Variants in REV3L observed in about 807,000 individuals in gnomAD.
The protein encoded by REV3L is DNA polymerase zeta catalytic subunit.
In REV3L, 69 loss-of-function variants were observed where a neutral mutation model predicts 299.4. That is an observed-to-expected ratio of 0.23 (90% CI 0.19 to 0.28). The LOEUF (loss-of-function observed/expected upper bound fraction) is 0.28, where lower values mean the gene tolerates loss of function less well. Ranked by LOEUF, REV3L falls within the 10% of genes least tolerant of loss-of-function variation. The pLI is 1.00. For synonymous variants in REV3L, 1,238 were observed against 1,271.4 expected, an observed-to-expected ratio of 0.97 and a Z score of 0.56; for missense variants, 3,128 against 3,693.8, an observed-to-expected ratio of 0.85 and a Z score of 3.97.
chr6:111,462,761 T>G (rs1014515937), intron 1 of REV3L, among the ~76,000 whole-genome samples: 4 of 152,208 alleles, frequency 2.6e-5, no homozygotes, highest in Non-Finnish European at 4.4e-5. Context: ...AGTAGAGATG[T>G]GCTCATATTT....
In REV3L at chr6:111,299,959, C is replaced by T; in HGVS notation, c.*57G>A. ...GAAAGTTAAAAAGCACCATGCACAA[C>T]AGTTTAGTGGTAAGCACTGAAAAAA... is the stretch of plus-strand genomic sequence containing the variant. On this transcript the variant is annotated 3_prime_UTR_variant, in exon 32 of 32. Coordinates refer to ENST00000368802, the MANE Select transcript of REV3L (RefSeq NM_001372078.1). The T allele has an allele frequency of 6.5e-7, 1 of 1,528,688 alleles. No homozygotes were observed. The highest frequency in any genetic ancestry group is 8.9e-7 in the Non-Finnish European group (1 of 1,128,286). The allele number at this position is 1,528,688 out of a possible 1,614,324, so 94.7% of individuals were successfully genotyped here.
chr6:111,390,197 TA>T lies in REV3L; in HGVS notation c.663-18del. ...ATTAAAGAGCTGCAATTAAAGGATA[TA>T]AAAAACATAATAATTATGTGAGAGC... On this transcript the variant is annotated intron_variant, in intron 5 of 31. Coordinates refer to ENST00000368802, the MANE Select transcript of REV3L (RefSeq NM_001372078.1). 1.4e-6 allele frequency: 2 copies of T among 1,437,912 alleles called. No homozygotes were observed. The highest frequency in any genetic ancestry group is 2.0e-6 in the Non-Finnish European group (2 of 1,021,960). The allele number at this position is 1,437,912 out of a possible 1,614,324, so 89.1% of individuals were successfully genotyped here. A position where few individuals can be genotyped will look rare whatever the true frequency, so the allele number is the denominator to read the frequency against.
rs777359186 is a variant in REV3L at position 111,376,685 on chromosome 6, G to T, written c.1670C>A (p.Pro557His). 2 of 1,608,496 alleles carry T rather than the reference G, an allele frequency of 1.2e-6. No individual in the cohort carries two copies. Among genetic ancestry groups the T allele is most frequent in the Admixed American group, 1.7e-5 (1 of 59,852 alleles). Residue 557 changes from proline (P) to histidine (H), a missense_variant, in exon 13 of 32, where the codon CCC (proline) becomes CAC (histidine). Pro to His is a moderately conservative substitution (Grantham distance 77). Coordinates refer to ENST00000368802, the MANE Select transcript of REV3L (RefSeq NM_001372078.1). ...AGCAGCATCTTTGTGAAAGATGGAG[G>T]GTTTAACTGAAAGCTTGCTTGTTGC... ...VIATSKLSVK[P>H]SIFHKDAATL... is the part of the protein sequence containing the mutation.
At chr6:111,471,055 T>C (rs1035848361) in intron 1 of REV3L, among the ~76,000 whole-genome samples, 1 of 152,048 alleles carries the variant, frequency 6.6e-6, no homozygotes, top group Non-Finnish European at 1.5e-5. Flanking sequence ...ATGTAGAAAA[T>C]ATATGGTGAT....
intron 25 of REV3L, among the ~76,000 whole-genome samples, chr6:111,325,358 G>C (rs1774668157): frequency 1.3e-5 from 2 of 152,220 alleles, no homozygotes; most frequent in South Asian, 2.1e-4. Flanking sequence ...AACTGAGACA[G>C]AGACATTAAC....
At chr6:111,469,233 C>A (rs1029473368) in intron 1 of REV3L, among the ~76,000 whole-genome samples, 12 of 152,124 alleles carry the variant, frequency 7.9e-5, no homozygotes, top group African/African-American at 2.9e-4. Flanking sequence ...CTATCTGCTG[C>A]TCACCTCTTG....
chr6:111,380,159 T>C lies in REV3L; in HGVS notation c.1277A>G (p.Tyr426Cys), dbSNP rs1309156598. The change falls in exon 11 of 32, where the codon TAT (tyrosine) becomes TGT (cysteine). Residue 426 changes from tyrosine to cysteine, a missense_variant. Physicochemically the swap from Tyr to Cys is radical, Grantham distance 194 (BLOSUM62 -2). This residue lies in a region of REV3L where 2,409 missense variants were observed against 2,611.8 expected (regional missense o/e 0.92). Transcript: ENST00000368802. ...TGGCATCCTATTTCTTTCCCCCCGA[T>C]ATCCATCACTTTCCAAACCAGCAAG... ...HLLAGLESDG[Y>C]RGERNRMPSP... The C allele has an allele frequency of 6.2e-7, 1 of 1,614,144 alleles. No individual in the cohort carries two copies. Among genetic ancestry groups the C allele is most frequent in the South Asian group, 1.1e-5 (1 of 91,088 alleles).
chr6:111,452,196 GAC>G (rs1188901488), intron 1 of REV3L, among the ~76,000 whole-genome samples: 1 of 151,986 alleles, frequency 6.6e-6, no homozygotes, highest in Non-Finnish European at 1.5e-5. Flanking sequence ...AATTTTAAAA[GAC>G]TAAATATAAA....
chr6:111,352,860 C>T (rs937898103), intron 18 of REV3L, among the ~76,000 whole-genome samples: 7 of 152,150 alleles, frequency 4.6e-5, no homozygotes. Context: ...TTAGAACCTC[C>T]ATGTTGTGAC....
At chr6:111,320,092 G>C (rs1438625558) in intron 26 of REV3L, among the ~76,000 whole-genome samples, 1 of 147,992 alleles carries the variant, frequency 6.8e-6, no homozygotes, top group East Asian at 2.0e-4. Flanking sequence ...TTTTGAGATG[G>C]AGTTTCGCTC....
At chr6:111,483,428 T>C (rs1324680285), upstream of REV3L, 2 of 417,322 alleles carry the variant, frequency 4.8e-6, no homozygotes, top group African/African-American at 4.3e-5. Context: ...CCGCGCGGGA[T>C]CGATGACTCG....
chr6:111,377,491 T>C (rs1305068408), intron 12 of REV3L, among the ~76,000 whole-genome samples: 7 of 152,032 alleles, frequency 4.6e-5, no homozygotes, highest in Admixed American at 3.9e-4. Context: ...CATGTATCAC[T>C]ATGCTGGGCT....
chr6:111,330,027 C>G (rs771450541), intron 24 of REV3L, among the ~76,000 whole-genome samples: 7 of 152,196 alleles, frequency 4.6e-5, no homozygotes, highest in Admixed American at 2.6e-4. Flanking sequence ...AGTGACCATA[C>G]AACAACTTCA....
intron 1 of REV3L, among the ~76,000 whole-genome samples, chr6:111,440,892 C>T (rs1271728565): frequency 6.6e-6 from 1 of 152,164 alleles, no homozygotes; most frequent in Non-Finnish European, 1.5e-5. Flanking sequence ...TGGTGTTTTT[C>T]TTTCAACACT....
At chr6:111,315,225 TA>T (rs1554188670) in intron 27 of REV3L, 41 bp downstream of exon 27, 11 of 1,433,756 alleles carry the variant, frequency 7.7e-6, no homozygotes, top group Non-Finnish European at 1.1e-5. Flanking sequence ...CTAGAAGGTA[TA>T]TGAATTTTAT....
At chr6:111,412,810 C>T (rs981558453) in intron 2 of REV3L, among the ~76,000 whole-genome samples, 1 of 151,594 alleles carries the variant, frequency 6.6e-6, no homozygotes. Flanking sequence ...TAAAGGGTTC[C>T]TCATCTCATC....
chr6:111,412,314 G>A lies in REV3L; in HGVS notation c.330-760C>T, dbSNP rs570823016. 20 of 955,762 alleles carry A rather than the reference G, an allele frequency of 2.1e-5. No individual in the cohort carries two copies. In the South Asian group the frequency reaches 5.3e-4, roughly 25 times the overall value. 59.2% of individuals were successfully genotyped at this position (955,762 alleles called of 1,614,324 possible). A position where few individuals can be genotyped will look rare whatever the true frequency, so the allele number is the denominator to read the frequency against. ...GTATCAGCTGGAATGAGGAAAGGGG[G>A]AAGCAAAAGGCTATATAACAGGAAG... is the stretch of plus-strand genomic sequence containing the variant. On this transcript the variant is annotated intron_variant, in intron 2 of 31. Transcript: ENST00000368802.
intron 21 of REV3L, among the ~76,000 whole-genome samples, chr6:111,339,201 C>T (rs1006930564): frequency 1.3e-5 from 2 of 152,046 alleles, no homozygotes; most frequent in African/African-American, 4.8e-5. Context: ...TTATTGAGAG[C>T]CTTCTGTGTG....
intron 25 of REV3L, among the ~76,000 whole-genome samples, chr6:111,327,391 C>CA (rs1301379177): frequency 6.6e-6 from 1 of 151,846 alleles, no homozygotes; most frequent in African/African-American, 2.4e-5. Context: ...CCCATCTCTA[C>CA]AAAAAATAGA....
Sources: allele counts gnomAD v4.1 joint callset (sites outside exome capture counted in the v4.1 genomes callset), GRCh38; gene constraint gnomAD v4.1.1; regional missense constraint gnomAD v4.1.1; transcripts MANE v1.5; gene names NCBI Gene and HGNC (gene_info 2026-07-23, HGNC 2026-07-21).